Variants in STK32B observed in about 807,000 individuals in gnomAD.
STK32B encodes serine/threonine kinase 32B.
In STK32B, 43 loss-of-function variants were observed where a neutral mutation model predicts 52.6. The observed-to-expected ratio is 0.82, with a 90% confidence interval of 0.64 to 1.05. The LOEUF is 1.05. Among genes scored for constraint, STK32B ranks in the 50% least tolerant of loss-of-function variants. The pLI, the probability that STK32B is intolerant of heterozygous loss-of-function variation, is 0.00. For synonymous variants in STK32B, 238 were observed against 204.3 expected (o/e 1.17, Z -1.41); for missense variants, 621 against 534.6 (o/e 1.16, Z -1.59).
intron 3 of STK32B, among the ~76,000 whole-genome samples, chr4:5,236,650 G>A (rs60009078): frequency 0.055 from 8,367 of 152,232 alleles, 436 homozygotes; most frequent in African/African-American, 0.14. Context: ...AGGGTCTTTG[G>A]CTTACTTTGT....
intron 3 of STK32B, among the ~76,000 whole-genome samples, chr4:5,319,139 G>C (rs1731316205): frequency 6.6e-6 from 1 of 152,134 alleles, no homozygotes; most frequent in Non-Finnish European, 1.5e-5. Context: ...CTCATTATGT[G>C]TCAGTCACTT....
chr4:5,140,289 T>C (rs1369054067), intron 2 of STK32B: 9 of 1,346,846 alleles, frequency 6.7e-6, no homozygotes, highest in East Asian at 4.3e-5. Flanking sequence ...TCCAGCAACA[T>C]AGACGTTTGT....
At chr4:5,465,619 A>C (rs78381337) in intron 9 of STK32B, among the ~76,000 whole-genome samples, 2,425 of 152,266 alleles carry the variant, frequency 0.016, 67 homozygotes, top group African/African-American at 0.054. Flanking sequence ...AAGCTTGGCA[A>C]ACTCTTATCA....
chr4:5,090,406 C>T (rs558289590), intron 1 of STK32B, among the ~76,000 whole-genome samples: 22 of 127,924 alleles, frequency 1.7e-4, no homozygotes, highest in East Asian at 1.0e-3. Context: ...GACAGAGTCT[C>T]GCTCTGTCAC....
intron 11 of STK32B, among the ~76,000 whole-genome samples, chr4:5,481,403 A>T (rs1437372306): frequency 6.6e-6 from 1 of 152,074 alleles, no homozygotes. Context: ...GTCTGTTCAT[A>T]TCCTTTGCCC....
upstream of STK32B, among the ~76,000 whole-genome samples, chr4:5,047,129 A>G (rs1233796809): frequency 4.6e-5 from 7 of 152,262 alleles, no homozygotes; most frequent in African/African-American, 1.7e-4. Flanking sequence ...AAAATGTGGT[A>G]CATATACACC....
chr4:5,286,491 T>A (rs1007296795), intron 3 of STK32B, among the ~76,000 whole-genome samples: 1 of 152,200 alleles, frequency 6.6e-6, no homozygotes, highest in Non-Finnish European at 1.5e-5. Context: ...GGACAAACAC[T>A]GTAGTGATTT....
At chr4:5,139,997 A>G (rs752736827) in intron 2 of STK32B, 37 bp downstream of exon 2, 5 of 1,612,026 alleles carry the variant, frequency 3.1e-6, no homozygotes, top group South Asian at 2.2e-5. Context: ...GGGCTTAAGT[A>G]TGTGTGTATA....
At chr4:5,100,791 T>TCTTCCTTCCCTGCTCTTTCTTTC (rs373087561) in intron 1 of STK32B, among the ~76,000 whole-genome samples, 90 of 39,644 alleles carry the variant, frequency 2.3e-3, no homozygotes, top group Middle Eastern at 0.045. Flanking sequence ...TTCCTTCCTT[T>TCTTCCTTCCCTGCTCTTTCTTTC]ATTCCTTCCC....
At chr4:5,156,152 A>G (rs1007866207) in intron 2 of STK32B, among the ~76,000 whole-genome samples, 3 of 151,808 alleles carry the variant, frequency 2.0e-5, no homozygotes, top group African/African-American at 7.3e-5. Context: ...ACTCATATGT[A>G]TATGTGTATA....
intron 6 of STK32B, among the ~76,000 whole-genome samples, chr4:5,432,710 T>C (rs1713697106): frequency 6.6e-6 from 1 of 152,166 alleles, no homozygotes; most frequent in Admixed American, 6.5e-5. Flanking sequence ...TTTAGGAAGT[T>C]TTCATGCTAA....
At chr4:5,204,458 T>TTTTTGTTTCGTTTTG (rs1553850289) in intron 3 of STK32B, among the ~76,000 whole-genome samples, 1 of 146,756 alleles carries the variant, frequency 6.8e-6, no homozygotes, top group Non-Finnish European at 1.5e-5. Context: ...TTTTTAGGTT[T>TTTTTGTTTCGTTTTG]TTTTGTTTTG....
intron 3 of STK32B, among the ~76,000 whole-genome samples, chr4:5,249,422 T>C (rs1323091687): frequency 7.6e-6 from 1 of 131,544 alleles, no homozygotes. Context: ...GCCTGTCTGT[T>C]CTTCCTTCCT....
intron 3 of STK32B, among the ~76,000 whole-genome samples, chr4:5,252,784 C>T (rs1419725342): frequency 4.6e-5 from 7 of 152,188 alleles, no homozygotes; most frequent in Non-Finnish European, 1.0e-4. Flanking sequence ...GTTTTCCCAT[C>T]TGCAAACTGG....
In STK32B at chr4:5,317,450, T is replaced by C. The variant is rs1401056496; in HGVS notation, c.261-13770T>C. On this transcript the variant is annotated intron_variant, in intron 3 of 11. Coordinates refer to ENST00000282908, the MANE Select transcript of STK32B (RefSeq NM_018401.3). ...ACATATATATTACATATATACATAA[T>C]ATATATAATATATATGTATAATATA... 5.5e-5 allele frequency among the ~76,000 whole-genome samples: 2 copies of C among 36,458 alleles called. 1 individual carries two copies. Among genetic ancestry groups the C allele is most frequent in the African/African-American group, 3.7e-4 (2 of 5,382 alleles). 23.9% of individuals were successfully genotyped at this position (36,458 alleles called of 152,430 possible). A position where few individuals can be genotyped will look rare whatever the true frequency, so the allele number is the denominator to read the frequency against.
rs1553824357 is a variant in STK32B at position 5,102,490 on chromosome 4, TTCCC to T, written c.53-37395_53-37392del. 6.2e-3 allele frequency among the ~76,000 whole-genome samples: 497 copies of T among 79,900 alleles called. 6 individuals are homozygous for T. Among genetic ancestry groups the T allele is most frequent in the African/African-American group, 0.022 (462 of 20,916 alleles). 52.4% of individuals were successfully genotyped at this position (79,900 alleles called of 152,430 possible). ...CTTCCTTCCTTCCTTCCTTCCTTCC[TTCCC>T]TCCCTCCCTCCCTCCCTCCTTCCTT... On this transcript the variant is annotated intron_variant, in intron 1 of 11. Coordinates refer to ENST00000282908, the MANE Select transcript of STK32B (RefSeq NM_018401.3).
chr4:5,300,211 G>T (rs1729467577), intron 3 of STK32B, among the ~76,000 whole-genome samples: 1 of 152,088 alleles, frequency 6.6e-6, no homozygotes, highest in Admixed American at 6.6e-5. Context: ...TGCAGAAAAA[G>T]CATCCAATAA....
At chr4:5,495,555 T>C (rs1310779356) in intron 11 of STK32B, among the ~76,000 whole-genome samples, 2 of 152,250 alleles carry the variant, frequency 1.3e-5, no homozygotes, top group East Asian at 3.9e-4. Context: ...CTTGATCGTC[T>C]GAAGCCTTCT....
chr4:5,051,985 C>T (rs1295495979), intron 1 of STK32B, 70 bp downstream of exon 1: 4 of 1,546,348 alleles, frequency 2.6e-6, no homozygotes, highest in Non-Finnish European at 3.5e-6. Flanking sequence ...TCGGCCGAGC[C>T]CTGCGGGGCA....
Sources: allele counts gnomAD v4.1 joint callset (sites outside exome capture counted in the v4.1 genomes callset), GRCh38; gene constraint gnomAD v4.1.1; transcripts MANE v1.5; gene names NCBI Gene and HGNC (gene_info 2026-07-23, HGNC 2026-07-21).